Variants in TWIST2 observed in about 807,000 individuals in gnomAD.
TWIST2 encodes twist family bHLH transcription factor 2.
A neutral mutation model predicts 11.6 loss-of-function variants in TWIST2; 1 was observed. The ratio of observed to expected loss-of-function variants is 0.09; its 90% CI spans 0.03 to 0.41. TWIST2 has a LOEUF of 0.41. Among genes scored for constraint, TWIST2 ranks in the 10% least tolerant of loss-of-function variants. TWIST2 has a pLI of 0.98. For synonymous variants in TWIST2, 87 were observed against 96.6 expected, an observed-to-expected ratio of 0.90 and a Z score of 0.58; for missense variants, 168 against 226.4, an observed-to-expected ratio of 0.74 and a Z score of 1.66.
In TWIST2 at chr2:238,864,818, G is replaced by A. The variant is rs957708619; in HGVS notation, c.*35+16085G>A. ...TGTCCCCTTCTCTGAGCATCTGTGA[G>A]GGGTTTTCCTCTCCTTAGGGACCCC... On this transcript the variant is annotated intron_variant, in intron 1 of 1. Transcript: ENST00000612363. The surrounding 1 kb of genome is among the most constrained non-coding windows in gnomAD (Gnocchi z 4.7). Among the ~76,000 whole-genome samples, 4 of 152,040 alleles carry A rather than the reference G, an allele frequency of 2.6e-5. No individual in the cohort carries two copies. The highest frequency in any genetic ancestry group is 9.7e-5 in the African/African-American group (4 of 41,412).
rs1183487752 is a variant in TWIST2 at position 238,866,473 on chromosome 2, A to G, written c.*35+17740A>G. ...GGAATTCGAGACCAGCCTGGCCAAC[A>G]TGGTGAAACCCCGTCTCTGCCAAAA... is the stretch of plus-strand genomic sequence containing the variant. On this transcript the variant is annotated intron_variant, in intron 1 of 1. Coordinates refer to ENST00000612363, the MANE Select transcript of TWIST2 (RefSeq NM_001271893.4). The surrounding 1 kb of genome is among the most constrained non-coding windows in gnomAD (Gnocchi z 4.9). Among the ~76,000 whole-genome samples, 1 of 152,162 alleles carries G rather than the reference A, an allele frequency of 6.6e-6. No individual in the cohort carries two copies. Among genetic ancestry groups the G allele is most frequent in the Non-Finnish European group, 1.5e-5 (1 of 68,022 alleles).
At chr2:238,905,881 A>G (rs1216392807) in intron 1 of TWIST2, among the ~76,000 whole-genome samples, 62 of 142,332 alleles carry the variant, frequency 4.4e-4, no homozygotes, top group African/African-American at 1.1e-3. Flanking sequence ...GTGTGTGTGC[A>G]TGTGCGCGCA....
At chr2:238,907,250 C>A (rs1266185694) in intron 1 of TWIST2, among the ~76,000 whole-genome samples, 1 of 152,212 alleles carries the variant, frequency 6.6e-6, no homozygotes, top group Non-Finnish European at 1.5e-5. Flanking sequence ...ACTGAGGTGG[C>A]CCAAGACCTT....
chr2:238,865,476 T>G (rs990488987), intron 1 of TWIST2, among the ~76,000 whole-genome samples: 1 of 152,184 alleles, frequency 6.6e-6, no homozygotes, highest in African/African-American at 2.4e-5. Flanking sequence ...GAGCAAGGCC[T>G]GAGGCGCTCG....
Position 238,858,155 on chromosome 2 carries a change from A to G in TWIST2, c.*35+9422A>G, listed in dbSNP as rs139299508. 1.8e-4 allele frequency among the ~76,000 whole-genome samples: 27 copies of G among 152,302 alleles called. No homozygotes were observed. The East Asian group carries it at 4.4e-3, about 25-fold the overall frequency. ...TTTTTCTAACCAGAAAGAGGAAAAG[A>G]GGAAGTGGGGAGGCAGAAAGTGAAG... is the stretch of plus-strand genomic sequence containing the variant. On this transcript the variant is annotated intron_variant, in intron 1 of 1. Coordinates refer to ENST00000612363, the MANE Select transcript of TWIST2 (RefSeq NM_001271893.4).
At chr2:238,874,325 C>T (rs543899936) in intron 1 of TWIST2, among the ~76,000 whole-genome samples, 69 of 152,196 alleles carry the variant, frequency 4.5e-4, no homozygotes, top group Non-Finnish European at 7.6e-4. Flanking sequence ...ACTCAACTTT[C>T]CTGCTGTGGG....
chr2:238,854,217 C>A (rs1292163255), intron 1 of TWIST2, among the ~76,000 whole-genome samples: 1 of 152,172 alleles, frequency 6.6e-6, no homozygotes, highest in African/African-American at 2.4e-5. Flanking sequence ...GAAAATACTC[C>A]TGTCTTTTTA....
chr2:238,848,783 C>T lies in TWIST2; in HGVS notation c.*35+50C>T, dbSNP rs1416690076. ...GCCCTCCGCTGCGGGGGGCGGGCGGCAGGGGCGCAGGGGCATTGGGGCCTG... is the reference window on the plus strand; with the variant it reads ...GCCCTCCGCTGCGGGGGGCGGGCGGTAGGGGCGCAGGGGCATTGGGGCCTG... On this transcript the variant is annotated intron_variant, in intron 1 of 1. Coordinates refer to ENST00000612363, the MANE Select transcript of TWIST2 (RefSeq NM_001271893.4). 59 of 1,289,802 alleles carry T rather than the reference C, an allele frequency of 4.6e-5. 1 individual carries two copies. Among genetic ancestry groups the T allele is most frequent in the Non-Finnish European group, 5.8e-5 (59 of 1,019,186 alleles). The allele number at this position is 1,289,802 out of a possible 1,614,324, so 79.9% of individuals were successfully genotyped here.
At chr2:238,857,444 C>T (rs1342327058) in intron 1 of TWIST2, among the ~76,000 whole-genome samples, 2 of 152,154 alleles carry the variant, frequency 1.3e-5, no homozygotes, top group African/African-American at 4.8e-5. Flanking sequence ...TAGATCTAAA[C>T]CTGCAGTCAG....
intron 1 of TWIST2, among the ~76,000 whole-genome samples, chr2:238,857,264 C>G (rs1034569634): frequency 2.0e-5 from 3 of 152,182 alleles, no homozygotes; most frequent in African/African-American, 7.2e-5. Flanking sequence ...CTTCCCTGGT[C>G]CCTGAGGCTG....
chr2:238,905,914 CGTGCAGGT>C (rs1693340393), intron 1 of TWIST2, among the ~76,000 whole-genome samples: 18 of 103,644 alleles, frequency 1.7e-4, no homozygotes, highest in Non-Finnish European at 2.3e-4. Flanking sequence ...CGTGTGTGTG[CGTGCAGGT>C]GTGCGTGTGC....
chr2:238,883,587 A>G (rs1692977889), intron 1 of TWIST2, among the ~76,000 whole-genome samples: 1 of 152,180 alleles, frequency 6.6e-6, no homozygotes, highest in Non-Finnish European at 1.5e-5. Flanking sequence ...ATAGAAGGAG[A>G]AGGATGGGGA....
chr2:238,889,009 T>C (rs1693086342), intron 1 of TWIST2, among the ~76,000 whole-genome samples: 2 of 152,158 alleles, frequency 1.3e-5, no homozygotes, highest in Admixed American at 1.3e-4. Flanking sequence ...CTTAAAAAAA[T>C]TCCAGTGTCA....
chr2:238,875,911 C>T (rs991029686), intron 1 of TWIST2, among the ~76,000 whole-genome samples: 6 of 152,194 alleles, frequency 3.9e-5, no homozygotes, highest in South Asian at 2.1e-4. Context: ...AAAAATAAAT[C>T]GGGTGAGGGA....
intron 1 of TWIST2, among the ~76,000 whole-genome samples, chr2:238,902,789 G>C (rs1202378145): frequency 2.0e-5 from 3 of 147,898 alleles, no homozygotes; most frequent in African/African-American, 5.0e-5. Context: ...GTGATGTGGG[G>C]TGTTGTGATG....
At position 238,852,312 on chromosome 2, in the gene TWIST2, T is replaced by C. The variant is rs543341361; in HGVS notation, c.*35+3579T>C. Among the ~76,000 whole-genome samples the C allele has an allele frequency of 9.2e-5, 14 of 152,352 alleles. 1 individual carries two copies. The East Asian group carries it at 2.7e-3, about 29-fold the overall frequency. The stretch of plus-strand genomic sequence containing the variant: ...GCTTAGTATTTATATTAATCTATTC[T>C]CACTGGTGTCTTTAAAAACCCTGTG... On this transcript the variant is annotated intron_variant, in intron 1 of 1. Coordinates refer to ENST00000612363, the MANE Select transcript of TWIST2 (RefSeq NM_001271893.4).
intron 1 of TWIST2, among the ~76,000 whole-genome samples, chr2:238,884,620 G>C (rs1278307692): frequency 6.6e-6 from 1 of 152,218 alleles, no homozygotes. Context: ...CACCTGCCAG[G>C]GGGCTGGGGC....
chr2:238,872,803 C>G (rs1326572566), intron 1 of TWIST2, among the ~76,000 whole-genome samples: 1 of 152,178 alleles, frequency 6.6e-6, no homozygotes, highest in Non-Finnish European at 1.5e-5. Context: ...CTGGAGGTCA[C>G]GGGCATACGG....
intron 1 of TWIST2, among the ~76,000 whole-genome samples, chr2:238,888,453 G>A (rs564467827): frequency 2.4e-4 from 36 of 152,306 alleles, no homozygotes; most frequent in African/African-American, 8.7e-4. Flanking sequence ...ACCTGGGAGG[G>A]AGGTGGATTT....
Sources: allele counts gnomAD v4.1 joint callset (sites outside exome capture counted in the v4.1 genomes callset), GRCh38; gene constraint gnomAD v4.1.1; non-coding constraint Gnocchi (gnomAD v3.1); transcripts MANE v1.5; gene names NCBI Gene and HGNC (gene_info 2026-07-23, HGNC 2026-07-21).